Variants in TSPAN11 observed in about 807,000 individuals in gnomAD.
The protein encoded by TSPAN11 is tetraspanin-11.
A neutral mutation model predicts 32.9 loss-of-function variants in TSPAN11; 29 were observed. The ratio of observed to expected loss-of-function variants is 0.88; its 90% CI spans 0.66 to 1.20. The LOEUF (loss-of-function observed/expected upper bound fraction) is 1.20, where lower values mean the gene tolerates loss of function less well. TSPAN11 is among the 50% of genes most tolerant of loss of function. The pLI, the probability that TSPAN11 is intolerant of heterozygous loss-of-function variation, is 0.00. For missense variants in TSPAN11, 283 were observed against 329.1 expected (o/e 0.86, Z 1.08); for synonymous variants, 140 against 141.3 (o/e 0.99, Z 0.07).
intron 1 of TSPAN11, among the ~76,000 whole-genome samples, chr12:30,943,854 CT>C (rs1410940500): frequency 2.0e-5 from 3 of 152,232 alleles, no homozygotes; most frequent in Non-Finnish European, 4.4e-5. Flanking sequence ...AAGGACAAGG[CT>C]GTTGGCATGG....
At chr12:30,937,423 G>A (rs1025583806) in intron 1 of TSPAN11, among the ~76,000 whole-genome samples, 3 of 151,782 alleles carry the variant, frequency 2.0e-5, no homozygotes, top group Non-Finnish European at 4.4e-5. Flanking sequence ...GAGCTAAAGC[G>A]TACTTTTGGG....
At chr12:30,942,720 A>C (rs536374608) in intron 1 of TSPAN11, among the ~76,000 whole-genome samples, 1 of 102,130 alleles carries the variant, frequency 9.8e-6, no homozygotes, top group Admixed American at 8.9e-5. Context: ...TTACTTGCAA[A>C]TGAAGTTAAA....
At chr12:31,009,295 T>G in the TSPAN11 span, among the ~76,000 whole-genome samples, 1 of 152,230 alleles carries the variant, frequency 6.6e-6, no homozygotes. Context: ...CCTCCAGGCC[T>G]GCCGACCCCC....
chr12:30,989,078 C>T (rs73099704), intron 7 of TSPAN11, among the ~76,000 whole-genome samples: 9,175 of 152,324 alleles, frequency 0.06, 370 homozygotes, highest in Non-Finnish European at 0.085. Context: ...AACAGAGCTG[C>T]TGTGTGCCAG....
At chr12:30,968,357 T>C (rs1938781141) in intron 3 of TSPAN11, among the ~76,000 whole-genome samples, 1 of 152,242 alleles carries the variant, frequency 6.6e-6, no homozygotes, top group Non-Finnish European at 1.5e-5. Flanking sequence ...GCACAGCCCT[T>C]CCTCCTAGCT....
the TSPAN11 span, among the ~76,000 whole-genome samples, chr12:31,007,035 C>T: frequency 6.6e-6 from 1 of 152,178 alleles, no homozygotes; most frequent in Admixed American, 6.5e-5. Flanking sequence ...ACCAGTCTCC[C>T]ATCGGTGTAG....
At chr12:30,932,283 T>C (rs926510239) in intron 1 of TSPAN11, among the ~76,000 whole-genome samples, 5 of 152,232 alleles carry the variant, frequency 3.3e-5, no homozygotes, top group African/African-American at 1.2e-4. Flanking sequence ...AAATTTTAAA[T>C]TATTAGTATG....
chr12:30,940,897 C>T (rs925689297), intron 1 of TSPAN11, among the ~76,000 whole-genome samples: 17 of 152,144 alleles, frequency 1.1e-4, no homozygotes, highest in South Asian at 4.1e-4. Context: ...GGAGCACGAA[C>T]CCTATTATGA....
chr12:30,967,688 ATATGCATGCACACACATGCATATGCACG>A (rs1318004817), intron 3 of TSPAN11, among the ~76,000 whole-genome samples: 24 of 27,056 alleles, frequency 8.9e-4, no homozygotes, highest in Non-Finnish European at 1.6e-3. Context: ...ACACACATGC[ATATGCATGCACACACATGCATATGCACG>A]CACACATGCA....
chr12:30,964,437 CTCCTCT>C (rs1216575842), intron 3 of TSPAN11, among the ~76,000 whole-genome samples: 3 of 151,794 alleles, frequency 2.0e-5, no homozygotes, highest in Non-Finnish European at 2.9e-5. Context: ...CCTCTTCCTC[CTCCTCT>C]TCCTCTTCCT....
At chr12:31,000,768 A>C (rs961671384), downstream of TSPAN11, among the ~76,000 whole-genome samples, 1 of 152,218 alleles carries the variant, frequency 6.6e-6, no homozygotes, top group Non-Finnish European at 1.5e-5. Flanking sequence ...ACACAAAAGA[A>C]GACGTTTAAT....
chr12:30,968,678 C>T (rs1043244717), intron 3 of TSPAN11, among the ~76,000 whole-genome samples: 1 of 152,144 alleles, frequency 6.6e-6, no homozygotes, highest in Non-Finnish European at 1.5e-5. Context: ...AAATGAAGAT[C>T]ATGGTGGATG....
At chr12:30,928,950 A>T (rs1937859144) in intron 1 of TSPAN11, among the ~76,000 whole-genome samples, 1 of 152,212 alleles carries the variant, frequency 6.6e-6, no homozygotes. Flanking sequence ...GCAACACAGT[A>T]GGTGCTCAAG....
intron 3 of TSPAN11, among the ~76,000 whole-genome samples, chr12:30,973,310 C>T (rs541296790): frequency 6.6e-6 from 1 of 152,166 alleles, no homozygotes; most frequent in Non-Finnish European, 1.5e-5. Context: ...CATCTCCAAG[C>T]GTGGACAGGA....
Position 30,992,062 on chromosome 12 carries a change from T to G in TSPAN11, c.*147T>G. The G allele has an allele frequency of 1.3e-6, 1 of 789,654 alleles. No homozygotes were observed. Among genetic ancestry groups the G allele is most frequent in the Non-Finnish European group, 1.9e-6 (1 of 524,606 alleles). 48.9% of individuals were successfully genotyped at this position (789,654 alleles called of 1,614,324 possible). Reference sequence around the variant, plus strand: ...AGCTCCTGCGAATCCACCGAGTGCCTGAGACCATAGCTTCTGTGCCCACCC... The same window carrying G: ...AGCTCCTGCGAATCCACCGAGTGCCGGAGACCATAGCTTCTGTGCCCACCC... On this transcript the variant is annotated 3_prime_UTR_variant, in exon 8 of 8. Coordinates refer to ENST00000546076, the MANE Select transcript of TSPAN11 (RefSeq NM_001370302.1).
At chr12:30,962,083 A>G (rs1275575770) in intron 2 of TSPAN11, among the ~76,000 whole-genome samples, 2 of 152,078 alleles carry the variant, frequency 1.3e-5, no homozygotes, top group Non-Finnish European at 2.9e-5. Context: ...GCCAAGTACA[A>G]TTATAAAATA....
In TSPAN11 at chr12:30,965,570, A is replaced by G. The variant is rs76693329; in HGVS notation, c.276+1553A>G. 0.034 allele frequency among the ~76,000 whole-genome samples: 5,162 copies of G among 152,178 alleles called. 519 individuals carry two copies. In the East Asian group the frequency reaches 0.37, roughly 11 times the overall value. On this transcript the variant is annotated intron_variant, in intron 3 of 7. Coordinates refer to ENST00000546076, the MANE Select transcript of TSPAN11 (RefSeq NM_001370302.1). ...GGCCCTGCATTCCTCCCAGAGCCCAATTAGAACACAAATGGCCACTATTCA... is the reference window on the plus strand; with the variant it reads ...GGCCCTGCATTCCTCCCAGAGCCCAGTTAGAACACAAATGGCCACTATTCA...
chr12:30,938,379 T>TG (rs1938089784), intron 1 of TSPAN11, among the ~76,000 whole-genome samples: 1 of 152,190 alleles, frequency 6.6e-6, no homozygotes, highest in African/African-American at 2.4e-5. Flanking sequence ...GCCAAGTCCC[T>TG]GGTTGGTAAC....
chr12:30,963,641 TCTC>T (rs1938659634), intron 2 of TSPAN11, among the ~76,000 whole-genome samples, 182 bp from the exon 3 acceptor site: 1 of 152,172 alleles, frequency 6.6e-6, no homozygotes, highest in African/African-American at 2.4e-5. Flanking sequence ...CTTGGACAAG[TCTC>T]CTAACCTCTC....
Sources: allele counts gnomAD v4.1 joint callset (sites outside exome capture counted in the v4.1 genomes callset), GRCh38; gene constraint gnomAD v4.1.1; transcripts MANE v1.5; gene names NCBI Gene and HGNC (gene_info 2026-07-23, HGNC 2026-07-21).